RANBP2: variants seen among roughly 807,000 people sequenced by gnomAD.
RANBP2 encodes E3 SUMO-protein ligase RanBP2.
In RANBP2, 57 loss-of-function variants were observed where a neutral mutation model predicts 303.6. That is an observed-to-expected ratio of 0.19 (90% CI 0.15 to 0.23). The LOEUF (loss-of-function observed/expected upper bound fraction) is 0.23. Among genes scored for constraint, RANBP2 ranks in the 10% least tolerant of loss-of-function variants. RANBP2 has a pLI of 1.00. For synonymous variants in RANBP2, 1,167 were observed against 1,301.5 expected (o/e 0.90, Z 2.23); for missense variants, 3,138 against 3,780.8 (o/e 0.83, Z 4.46).
At chr2:109,466,381 G>A in the RANBP2 span, among the ~76,000 whole-genome samples, 2 of 152,234 alleles carry the variant, frequency 1.3e-5, no homozygotes, top group South Asian at 4.2e-4. Context: ...CGCCCAGCCT[G>A]TACATCTTTT....
chr2:108,765,932 C>A lies in RANBP2; in HGVS notation c.5393C>A (p.Ser1798Tyr), dbSNP rs376248673. The A allele has an allele frequency of 1.2e-6, 2 of 1,614,048 alleles. No individual in the cohort carries two copies. Among genetic ancestry groups the A allele is most frequent in the African/African-American group, 2.7e-5 (2 of 74,948 alleles). ...TGCTGTGTACAAAATGAGAGTTCTT[C>A]CTTAAAATGTGTGGCTTGTGATGCC... ...SVCCVQNESS[S>Y]LKCVACDASK... Residue 1798 changes from serine to tyrosine, a missense_variant, in exon 20 of 29, where the codon TCC becomes TAC. Physicochemically the swap from Ser to Tyr is moderately radical, Grantham distance 144 (BLOSUM62 -2). Coordinates refer to ENST00000283195, the MANE Select transcript of RANBP2 (RefSeq NM_006267.5).
the RANBP2 span, among the ~76,000 whole-genome samples, chr2:109,300,234 C>T: frequency 6.6e-6 from 1 of 152,158 alleles, no homozygotes; most frequent in Non-Finnish European, 1.5e-5. Flanking sequence ...GAGTCTCACT[C>T]TGTCGCCCAG....
the RANBP2 span, chr2:109,432,661 C>T: frequency 6.2e-7 from 1 of 1,611,744 alleles, no homozygotes; most frequent in African/African-American, 1.3e-5. Flanking sequence ...CTACGTGACA[C>T]CCGTTTCCAG....
the RANBP2 span, among the ~76,000 whole-genome samples, chr2:109,270,402 G>C: frequency 1.3e-5 from 2 of 152,178 alleles, no homozygotes; most frequent in Non-Finnish European, 2.9e-5. Flanking sequence ...GATTCCTGCT[G>C]TAGGACTGGC....
the RANBP2 span, among the ~76,000 whole-genome samples, chr2:109,010,284 C>A: frequency 8.5e-4 from 129 of 152,198 alleles, no homozygotes; most frequent in African/African-American, 3.0e-3. Flanking sequence ...GCATCCTCTA[C>A]GGAAGGTAAG....
At chr2:109,229,151 A>G in the RANBP2 span, among the ~76,000 whole-genome samples, 2 of 152,174 alleles carry the variant, frequency 1.3e-5, no homozygotes, top group African/African-American at 2.4e-5. Context: ...ATTACCAGGG[A>G]TTTAGGAGCT....
the RANBP2 span, among the ~76,000 whole-genome samples, chr2:109,234,693 A>G: frequency 3.9e-5 from 6 of 152,246 alleles, no homozygotes; most frequent in Admixed American, 6.5e-5. Flanking sequence ...GCTGATGAGA[A>G]GAGAGTGAGG....
At chr2:109,700,800 G>T in the RANBP2 span, among the ~76,000 whole-genome samples, 1 of 152,072 alleles carries the variant, frequency 6.6e-6, no homozygotes, top group Non-Finnish European at 1.5e-5. Context: ...AAGCAGAGAA[G>T]ATAAGGAAAG....
the RANBP2 span, among the ~76,000 whole-genome samples, chr2:109,350,495 A>G: frequency 6.6e-6 from 1 of 152,188 alleles, no homozygotes; most frequent in Non-Finnish European, 1.5e-5. Context: ...CCATGCTCCT[A>G]TGCCCACTTT....
the RANBP2 span, among the ~76,000 whole-genome samples, chr2:109,309,640 T>C: frequency 8.0e-6 from 1 of 125,606 alleles, no homozygotes; most frequent in East Asian, 2.1e-4. Flanking sequence ...AGGCTGAAAA[T>C]AAAAGGATGG....
intron 19 of RANBP2, among the ~76,000 whole-genome samples, chr2:108,762,668 C>T (rs1354252340): frequency 1.5e-5 from 2 of 137,742 alleles, no homozygotes; most frequent in Non-Finnish European, 3.1e-5. Context: ...TCAGTTGCCT[C>T]ATATGTAAAA....
the RANBP2 span, chr2:109,347,940 C>G: frequency 6.2e-7 from 1 of 1,602,846 alleles, no homozygotes; most frequent in African/African-American, 1.3e-5. Context: ...ACTGTCTGAC[C>G]TTCACCAAGG....
chr2:109,010,994 C>T, the RANBP2 span, among the ~76,000 whole-genome samples: 2 of 152,176 alleles, frequency 1.3e-5, no homozygotes, highest in Non-Finnish European at 2.9e-5. Context: ...TCACCTTCAC[C>T]TTCTCAGTCT....
intron 6 of RANBP2, among the ~76,000 whole-genome samples, chr2:108,740,051 C>G (rs1695951442): frequency 6.6e-6 from 1 of 151,786 alleles, no homozygotes; most frequent in Non-Finnish European, 1.5e-5. Flanking sequence ...AGAGCAATTA[C>G]TGTATTGATA....
chr2:109,577,207 C>A, the RANBP2 span, among the ~76,000 whole-genome samples: 1 of 152,148 alleles, frequency 6.6e-6, no homozygotes, highest in Admixed American at 6.6e-5. Flanking sequence ...GTACATCCAA[C>A]TAAAATTTCA....
At chr2:109,591,792 G>C in the RANBP2 span, among the ~76,000 whole-genome samples, 1 of 152,064 alleles carries the variant, frequency 6.6e-6, no homozygotes, top group Non-Finnish European at 1.5e-5. Context: ...TAGCTATTTG[G>C]GGGGCTGAGG....
At chr2:108,858,870 A>G in the RANBP2 span, among the ~76,000 whole-genome samples, 4 of 152,050 alleles carry the variant, frequency 2.6e-5, no homozygotes, top group Admixed American at 6.6e-5. Flanking sequence ...TTATGGTTGT[A>G]TAGTATTCCA....
chr2:109,691,601 G>A, the RANBP2 span, among the ~76,000 whole-genome samples: 1 of 152,142 alleles, frequency 6.6e-6, no homozygotes, highest in Non-Finnish European at 1.5e-5. Flanking sequence ...TACCTCAGGT[G>A]ATCTCCTGGG....
At chr2:109,777,257 T>C in the RANBP2 span, among the ~76,000 whole-genome samples, 1 of 148,440 alleles carries the variant, frequency 6.7e-6, no homozygotes, top group Non-Finnish European at 1.5e-5. Flanking sequence ...CACAAAAGGA[T>C]GTGTGATTTT....
Sources: gnomAD v4.1 joint callset for allele counts (sites outside exome capture counted in the v4.1 genomes callset) on GRCh38, gnomAD v4.1.1 for gene constraint, MANE v1.5 for transcripts, NCBI Gene and HGNC (gene_info 2026-07-23, HGNC 2026-07-21) for gene names.